ANXA13: variants seen among roughly 807,000 people sequenced by gnomAD.
The protein encoded by ANXA13 is annexin A13, also known as annexin XIII.
ANXA13 carries 36 observed loss-of-function variants against 46.6 expected under a neutral mutation model. The observed-to-expected ratio is 0.77, with a 90% CI of 0.59 to 1.02. The LOEUF (loss-of-function observed/expected upper bound fraction) is 1.02, where lower values mean the gene tolerates loss of function less well. Ranked by LOEUF, ANXA13 falls within the 50% of genes least tolerant of loss-of-function variation. ANXA13 has a pLI of 0.00. For synonymous variants in ANXA13, 163 were observed against 152.9 expected (o/e 1.07, Z -0.49); for missense variants, 417 against 396.5 (o/e 1.05, Z -0.44).
chr8:123,716,244 C>G lies in ANXA13; in HGVS notation c.16-3491G>C, dbSNP rs1475835693. Among the ~76,000 whole-genome samples, 3 of 152,102 alleles carry G rather than the reference C, an allele frequency of 2.0e-5. No homozygotes were observed. The South Asian group carries it at 6.2e-4, about 32-fold the overall frequency. ...GGGATTACAGGCATGTGCCACCACG[C>G]CTGGCTAATTTTTGTATTTTTGGTA... On this transcript the variant is annotated intron_variant, in intron 1 of 10. Coordinates refer to ENST00000419625, the MANE Select transcript of ANXA13 (RefSeq NM_004306.4).
intron 8 of ANXA13, among the ~76,000 whole-genome samples, chr8:123,689,297 G>T (rs1220091361): frequency 1.3e-5 from 2 of 148,288 alleles, no homozygotes; most frequent in African/African-American, 4.9e-5. Context: ...TATAATCATA[G>T]ATTTTTTTTT....
chr8:123,718,108 A>G (rs1367404689), intron 1 of ANXA13, among the ~76,000 whole-genome samples: 2 of 152,206 alleles, frequency 1.3e-5, no homozygotes, highest in African/African-American at 4.8e-5. Context: ...ACTATGGTAA[A>G]TGGGGATAAT....
At chr8:123,717,913 G>A (rs7007244) in intron 1 of ANXA13, among the ~76,000 whole-genome samples, 2,448 of 152,354 alleles carry the variant, frequency 0.016, 59 homozygotes, top group African/African-American at 0.054. Flanking sequence ...ACTGTTGTCT[G>A]TAAAAGGTAC....
chr8:123,718,018 GA>G (rs1292811861), intron 1 of ANXA13, among the ~76,000 whole-genome samples: 1 of 152,222 alleles, frequency 6.6e-6, no homozygotes, highest in Non-Finnish European at 1.5e-5. Flanking sequence ...AAGCCATGTT[GA>G]AACTCCCTGC....
At chr8:123,728,819 A>T (rs1260904016) in intron 1 of ANXA13, 1 of 151,784 alleles carries the variant, frequency 6.6e-6, no homozygotes, top group African/African-American at 2.4e-5. Context: ...TAATTCTTTT[A>T]GTTAATTAAT....
chr8:123,710,911 C>T (rs1813646617), intron 2 of ANXA13, among the ~76,000 whole-genome samples: 1 of 152,204 alleles, frequency 6.6e-6, no homozygotes, highest in South Asian at 2.1e-4. Context: ...TGCCCCTTGA[C>T]CCCTCTGTCT....
chr8:123,684,178 T>C (rs966385349), intron 10 of ANXA13, among the ~76,000 whole-genome samples: 7 of 152,254 alleles, frequency 4.6e-5, no homozygotes, highest in Non-Finnish European at 8.8e-5. Context: ...CATTGCCTTA[T>C]GCTGATGTGC....
intron 2 of ANXA13, among the ~76,000 whole-genome samples, chr8:123,704,153 C>T (rs1422091169): frequency 2.6e-5 from 4 of 152,184 alleles, no homozygotes; most frequent in South Asian, 2.1e-4. Flanking sequence ...TAAATGACCA[C>T]GCGCCTGGCA....
intron 10 of ANXA13, among the ~76,000 whole-genome samples, chr8:123,682,724 G>A (rs1337131052): frequency 6.6e-6 from 1 of 152,156 alleles, no homozygotes; most frequent in Non-Finnish European, 1.5e-5. Context: ...GCAGGAAGGT[G>A]GAGGGTGGGT....
At chr8:123,711,457 C>T (rs529358822) in intron 2 of ANXA13, among the ~76,000 whole-genome samples, 1 of 152,214 alleles carries the variant, frequency 6.6e-6, no homozygotes, top group East Asian at 1.9e-4. Flanking sequence ...TAGATGCTGT[C>T]TCCCTCATCC....
rs1563606818 is a variant in ANXA13 at position 123,693,344 on chromosome 8, G to T, written c.541-46C>A. The T allele has an allele frequency of 6.4e-6, 10 of 1,552,890 alleles. No individual in the cohort carries two copies. The South Asian group carries it at 1.1e-4, about 17-fold the overall frequency. ...ACTTTGAAAAAGGCTTTTGTGAAAA[G>T]ACTGATTATGCAGTGCTGTGACTAG... is the stretch of plus-strand genomic sequence containing the variant. On this transcript the variant is annotated intron_variant, in intron 7 of 10. Transcript: ENST00000419625.
At chr8:123,720,965 C>G (rs1813859030) in intron 1 of ANXA13, among the ~76,000 whole-genome samples, 1 of 152,102 alleles carries the variant, frequency 6.6e-6, no homozygotes, top group African/African-American at 2.4e-5. Flanking sequence ...TTGCTGTACT[C>G]CAGATCTCTA....
chr8:123,709,526 A>T (rs568602995), intron 2 of ANXA13, among the ~76,000 whole-genome samples: 9 of 151,886 alleles, frequency 5.9e-5, no homozygotes, highest in African/African-American at 2.2e-4. Context: ...CTGAGGTTGC[A>T]GTTTTTTGAA....
intron 4 of ANXA13, among the ~76,000 whole-genome samples, chr8:123,697,997 C>A (rs1371563081): frequency 6.6e-6 from 1 of 152,178 alleles, no homozygotes; most frequent in Non-Finnish European, 1.5e-5. Context: ...TCTTTTGTAC[C>A]CTATGCTAGC....
At chr8:123,705,436 C>T (rs993272193) in intron 2 of ANXA13, among the ~76,000 whole-genome samples, 3 of 152,260 alleles carry the variant, frequency 2.0e-5, no homozygotes, top group African/African-American at 7.2e-5. Flanking sequence ...CTAGATCCAT[C>T]TCTGCACAGA....
At chr8:123,712,628 C>A (rs1813681142) in intron 2 of ANXA13, 50 bp downstream of exon 2, 1 of 1,532,682 alleles carries the variant, frequency 6.5e-7, no homozygotes, top group Non-Finnish European at 9.0e-7. Flanking sequence ...GACATGAGAC[C>A]AAGTTTAATC....
At chr8:123,691,025 G>A (rs1237837927) in intron 8 of ANXA13, among the ~76,000 whole-genome samples, 1 of 152,206 alleles carries the variant, frequency 6.6e-6, no homozygotes, top group Admixed American at 6.5e-5. Context: ...TTCATATTTG[G>A]TAACGCTGGG....
Position 123,702,788 on chromosome 8 carries a change from A to T in ANXA13, c.92-52T>A, listed in dbSNP as rs1004345880. The T allele has an allele frequency of 2.6e-6, 4 of 1,541,848 alleles. No homozygotes were observed. The African/African-American group carries it at 4.1e-5, about 16-fold the overall frequency. On this transcript the variant is annotated intron_variant, in intron 2 of 10. Coordinates refer to ENST00000419625, the MANE Select transcript of ANXA13 (RefSeq NM_004306.4). ...CCACAGTGAATAAGAAACAAGGTGGAAGTTTATTTTAGTCCAGGGTGAGGA... is the reference window on the plus strand; with the variant it reads ...CCACAGTGAATAAGAAACAAGGTGGTAGTTTATTTTAGTCCAGGGTGAGGA...
At chr8:123,685,770 C>A (rs182712376) in intron 9 of ANXA13, among the ~76,000 whole-genome samples, 1 of 152,254 alleles carries the variant, frequency 6.6e-6, no homozygotes, top group East Asian at 1.9e-4. Context: ...AAAAGAAAAT[C>A]GCACCGGAAA....
Sources: allele counts gnomAD v4.1 joint callset (sites outside exome capture counted in the v4.1 genomes callset), GRCh38; gene constraint gnomAD v4.1.1; transcripts MANE v1.5; gene names NCBI Gene and HGNC (gene_info 2026-07-23, HGNC 2026-07-21).